RNF150: variants seen among roughly 807,000 people sequenced by gnomAD.
RNF150 encodes the protein ring finger protein 150.
In RNF150, 24 loss-of-function variants were observed where a neutral mutation model predicts 39.3. The observed-to-expected ratio is 0.61, with a 90% CI of 0.44 to 0.86. RNF150 has a LOEUF of 0.86. Among genes scored for constraint, RNF150 ranks in the 40% least tolerant of loss-of-function variants. The probability of loss-of-function intolerance (pLI) is 0.00; values close to 1 mark genes in which losing one functional copy is unlikely to be tolerated. For missense variants in RNF150, 502 were observed against 587.8 expected (o/e 0.85, Z 1.51); for synonymous variants, 255 against 227.3 (o/e 1.12, Z -1.10).
intron 4 of RNF150, among the ~76,000 whole-genome samples, chr4:140,946,163 T>C (rs1192126488): frequency 6.6e-6 from 1 of 152,236 alleles, no homozygotes; most frequent in East Asian, 1.9e-4. Flanking sequence ...TGAATCACAA[T>C]TGACGGCTTT....
chr4:141,212,566 T>C (rs1728488067), intron 1 of RNF150, among the ~76,000 whole-genome samples: 1 of 152,118 alleles, frequency 6.6e-6, no homozygotes. Context: ...CAGAAAACCA[T>C]TCCTACTAGC....
chr4:140,967,053 T>A (rs1733269293), intron 2 of RNF150, among the ~76,000 whole-genome samples: 1 of 152,136 alleles, frequency 6.6e-6, no homozygotes, highest in Non-Finnish European at 1.5e-5. Context: ...CAGAGTTAAG[T>A]GTGCTATCAT....
intron 4 of RNF150, among the ~76,000 whole-genome samples, chr4:140,940,312 C>A (rs114677627): frequency 3.9e-5 from 6 of 152,026 alleles, no homozygotes; most frequent in African/African-American, 1.4e-4. Context: ...ATCTTAGAAA[C>A]AAGGAATTAA....
At chr4:140,966,446 GTGAATCCTATCCT>G (rs1733248041) in intron 2 of RNF150, among the ~76,000 whole-genome samples, 2 of 152,048 alleles carry the variant, frequency 1.3e-5, no homozygotes, top group Non-Finnish European at 2.9e-5. Flanking sequence ...GGGTGGTGAG[GTGAATCCTATCCT>G]ACAAAAAAGG....
At chr4:141,125,996 T>C (rs1726741887) in intron 1 of RNF150, among the ~76,000 whole-genome samples, 1 of 152,210 alleles carries the variant, frequency 6.6e-6, no homozygotes, top group African/African-American at 2.4e-5. Context: ...AACACTTTGA[T>C]GAATTATGGC....
chr4:141,084,062 C>T (rs1041660582), intron 1 of RNF150, among the ~76,000 whole-genome samples: 2 of 152,134 alleles, frequency 1.3e-5, no homozygotes, highest in African/African-American at 2.4e-5. Context: ...AAGTAGAATG[C>T]ATATTCAAAT....
At position 140,896,696 on chromosome 4, in the gene RNF150, AAAAACAAAAAAAC is replaced by A. The variant is rs1260860827; in HGVS notation, c.1198+14435_1198+14447del. On this transcript the variant is annotated intron_variant, in intron 6 of 6. Transcript: ENST00000515673. ...AAAACTTAGAGTATAATAAAAAAAA[AAAAACAAAAAAAC>A]AAACAAACAAACAAAAAAAAATAAT... Among the ~76,000 whole-genome samples the A allele has an allele frequency of 9.0e-4, 73 of 81,496 alleles. 1 individual carries two copies. The highest frequency in any genetic ancestry group is 3.0e-3 in the African/African-American group (71 of 23,656). 53.5% of individuals were successfully genotyped at this position (81,496 alleles called of 152,430 possible). A position where few individuals can be genotyped will look rare whatever the true frequency, so the allele number is the denominator to read the frequency against.
At chr4:141,011,691 C>A (rs1735081041) in intron 1 of RNF150, among the ~76,000 whole-genome samples, 2 of 152,134 alleles carry the variant, frequency 1.3e-5, no homozygotes, top group Admixed American at 6.5e-5. Context: ...GGCACAGTAC[C>A]AAGACATTCA....
chr4:141,207,429 G>C (rs1374582270), intron 1 of RNF150, among the ~76,000 whole-genome samples: 1 of 152,076 alleles, frequency 6.6e-6, no homozygotes, highest in Non-Finnish European at 1.5e-5. Context: ...CCTGGAGGGG[G>C]TCAAATGGAA....
intron 2 of RNF150, among the ~76,000 whole-genome samples, chr4:140,963,459 A>T (rs1219119748): frequency 6.6e-6 from 1 of 152,092 alleles, no homozygotes; most frequent in Non-Finnish European, 1.5e-5. Flanking sequence ...GAGGAACAGA[A>T]TTTTGAAGTT....
intron 1 of RNF150, among the ~76,000 whole-genome samples, chr4:141,024,224 C>G (rs1164262703): frequency 2.6e-5 from 4 of 152,070 alleles, no homozygotes; most frequent in Non-Finnish European, 5.9e-5. Flanking sequence ...ATAGTGTTAC[C>G]ACAGTGAAAT....
chr4:140,877,141 A>T (rs1475028337), intron 6 of RNF150, among the ~76,000 whole-genome samples: 1 of 152,198 alleles, frequency 6.6e-6, no homozygotes, highest in Non-Finnish European at 1.5e-5. Flanking sequence ...TTCATCTAGC[A>T]GGGGAAAGAT....
At chr4:140,990,071 G>T (rs1734143386) in intron 1 of RNF150, among the ~76,000 whole-genome samples, 1 of 152,112 alleles carries the variant, frequency 6.6e-6, no homozygotes, top group Non-Finnish European at 1.5e-5. Context: ...GGCTATTCAA[G>T]ACAACCCTGC....
chr4:140,891,044 C>T (rs1445781687), intron 6 of RNF150, among the ~76,000 whole-genome samples: 1 of 152,144 alleles, frequency 6.6e-6, no homozygotes, highest in East Asian at 1.9e-4. Flanking sequence ...AGCTAGTCAC[C>T]TGTCTGCACC....
chr4:140,884,207 A>G (rs1249479563), intron 6 of RNF150, among the ~76,000 whole-genome samples: 1 of 151,514 alleles, frequency 6.6e-6, no homozygotes, highest in African/African-American at 2.4e-5. Flanking sequence ...CCAGCTGTCT[A>G]TCTGTGCTCT....
At chr4:140,960,963 A>G (rs945183502) in intron 2 of RNF150, among the ~76,000 whole-genome samples, 7 of 152,092 alleles carry the variant, frequency 4.6e-5, no homozygotes, top group African/African-American at 1.7e-4. Flanking sequence ...CTGGCTTTAC[A>G]TGTGGGGAAG....
chr4:141,191,800 G>A (rs1392388148), intron 1 of RNF150, among the ~76,000 whole-genome samples: 1 of 152,132 alleles, frequency 6.6e-6, no homozygotes, highest in Non-Finnish European at 1.5e-5. Flanking sequence ...TGTGCCCATT[G>A]AAGGCTGATG....
intron 5 of RNF150, among the ~76,000 whole-genome samples, chr4:140,925,623 G>A (rs1166966395): frequency 6.6e-6 from 1 of 152,120 alleles, no homozygotes; most frequent in Non-Finnish European, 1.5e-5. Context: ...GGCCAAACAA[G>A]GGTGATGATG....
intron 6 of RNF150, among the ~76,000 whole-genome samples, chr4:140,885,074 C>G (rs1462363086): frequency 6.6e-6 from 1 of 151,992 alleles, no homozygotes; most frequent in Admixed American, 6.6e-5. Flanking sequence ...GGATCTGGGG[C>G]TTTCTATTAT....
Sources: allele counts gnomAD v4.1 joint callset (sites outside exome capture counted in the v4.1 genomes callset), GRCh38; gene constraint gnomAD v4.1.1; transcripts MANE v1.5; gene names NCBI Gene and HGNC (gene_info 2026-07-23, HGNC 2026-07-21).